Variants in RAPGEF4 observed in about 807,000 individuals in gnomAD.
RAPGEF4 encodes RAP guanine-nucleotide-exchange factor (GEF) 4.
A neutral mutation model predicts 147.9 loss-of-function variants in RAPGEF4; 66 were observed. That is an observed-to-expected ratio of 0.45 (90% CI 0.37 to 0.55). The LOEUF is 0.55. Among genes scored for constraint, RAPGEF4 ranks in the 20% least tolerant of loss-of-function variants. The pLI is 0.00. For missense variants in RAPGEF4, 1,071 were observed against 1,257.3 expected, an observed-to-expected ratio of 0.85 and a Z score of 2.24; for synonymous variants, 419 against 442.7, an observed-to-expected ratio of 0.95 and a Z score of 0.67.
intron 4 of RAPGEF4, among the ~76,000 whole-genome samples, chr2:172,833,205 G>GA (rs11432810): frequency 0.97 from 127,875 of 131,168 alleles, 62,337 homozygotes; most frequent in East Asian, 1. Context: ...CTCCGTCTCA[G>GA]AAAAAAAAAA....
intron 1 of RAPGEF4, among the ~76,000 whole-genome samples, chr2:172,772,493 G>A (rs1683724135): frequency 6.6e-6 from 1 of 151,984 alleles, no homozygotes; most frequent in East Asian, 2.0e-4. Context: ...ACAGGCGCCT[G>A]CCACCAGGCC....
At chr2:172,782,935 G>A (rs1684816398) in intron 1 of RAPGEF4, among the ~76,000 whole-genome samples, 1 of 152,178 alleles carries the variant, frequency 6.6e-6, no homozygotes, top group Admixed American at 6.5e-5. Context: ...ATCCTCTACT[G>A]AGGTTAGATG....
intron 1 of RAPGEF4, among the ~76,000 whole-genome samples, chr2:172,787,983 G>A (rs144476406): frequency 2.4e-4 from 36 of 152,232 alleles, no homozygotes; most frequent in African/African-American, 7.7e-4. Flanking sequence ...AGTTCTAGAG[G>A]CTAGGAAGTC....
intron 4 of RAPGEF4, among the ~76,000 whole-genome samples, chr2:172,850,539 A>G (rs1575035523): frequency 6.6e-6 from 1 of 151,730 alleles, no homozygotes; most frequent in Admixed American, 6.6e-5. Flanking sequence ...AATGGCATGA[A>G]CCCGGGAGGC....
chr2:172,959,033 T>C (rs913548527), intron 6 of RAPGEF4, among the ~76,000 whole-genome samples: 11 of 152,330 alleles, frequency 7.2e-5, no homozygotes, highest in African/African-American at 2.4e-4. Flanking sequence ...TTATTTTCAC[T>C]GTAATGGCTT....
chr2:173,006,629 C>T (rs992654399), intron 17 of RAPGEF4, among the ~76,000 whole-genome samples: 7 of 152,142 alleles, frequency 4.6e-5, no homozygotes, highest in Admixed American at 3.9e-4. Flanking sequence ...ATTAGGGTCC[C>T]TGTCATAAAA....
At chr2:172,749,041 C>A (rs1377518869) in intron 1 of RAPGEF4, among the ~76,000 whole-genome samples, 1 of 152,326 alleles carries the variant, frequency 6.6e-6, no homozygotes, top group South Asian at 2.1e-4. Context: ...GGCAGCCTGG[C>A]CCCTGTGGCT....
At chr2:172,737,402 G>A (rs6433377) in intron 1 of RAPGEF4, among the ~76,000 whole-genome samples, 38,182 of 152,028 alleles carry the variant, frequency 0.25, 5,070 homozygotes, top group South Asian at 0.29. Context: ...ATGGGATTCA[G>A]GATCTTGCAC....
chr2:172,975,000 T>C (rs1206063249), intron 10 of RAPGEF4, among the ~76,000 whole-genome samples: 1 of 152,184 alleles, frequency 6.6e-6, no homozygotes, highest in Non-Finnish European at 1.5e-5. Context: ...TGCACAGAAA[T>C]GAAGTGCTTT....
At chr2:172,814,180 G>T (rs1489704481) in intron 3 of RAPGEF4, 99 bp from the exon 4 acceptor site, 21 of 1,177,104 alleles carry the variant, frequency 1.8e-5, no homozygotes, top group Non-Finnish European at 1.9e-5. Context: ...ATTAAATTGG[G>T]TGTTTTGCCT....
intron 17 of RAPGEF4, among the ~76,000 whole-genome samples, chr2:173,009,796 CCTCT>C (rs1469390741): frequency 6.6e-6 from 1 of 152,136 alleles, no homozygotes; most frequent in African/African-American, 2.4e-5. Flanking sequence ...GATTTCTGTG[CCTCT>C]CTATCAGATT....
At chr2:172,785,416 G>A (rs1260936671) in intron 1 of RAPGEF4, among the ~76,000 whole-genome samples, 1 of 152,054 alleles carries the variant, frequency 6.6e-6, no homozygotes, top group Non-Finnish European at 1.5e-5. Context: ...TGATGATGAC[G>A]ACGGTGGTAC....
chr2:173,025,447 A>T (rs1314998809), intron 23 of RAPGEF4, among the ~76,000 whole-genome samples: 3 of 151,950 alleles, frequency 2.0e-5, no homozygotes, highest in African/African-American at 7.3e-5. Context: ...TTTTTATTTT[A>T]TTTTATTTTT....
chr2:172,750,449 A>G (rs1695177009), intron 1 of RAPGEF4, among the ~76,000 whole-genome samples: 1 of 152,026 alleles, frequency 6.6e-6, no homozygotes, highest in Non-Finnish European at 1.5e-5. Flanking sequence ...TGTGAGACTT[A>G]TCCACTACCA....
intron 4 of RAPGEF4, among the ~76,000 whole-genome samples, chr2:172,908,447 C>T (rs1575201176): frequency 6.6e-6 from 1 of 152,150 alleles, no homozygotes; most frequent in Non-Finnish European, 1.5e-5. Context: ...CAAACCTTTC[C>T]GTTAAGGTGA....
intron 4 of RAPGEF4, among the ~76,000 whole-genome samples, chr2:172,877,201 C>G (rs964305174): frequency 6.6e-6 from 1 of 152,146 alleles, no homozygotes; most frequent in African/African-American, 2.4e-5. Flanking sequence ...AGGATGAGTT[C>G]ATGTCCTTTG....
chr2:172,822,075 T>G, intron 4 of RAPGEF4: 7 of 1,413,370 alleles, frequency 5.0e-6, no homozygotes, highest in African/African-American at 1.4e-5. Context: ...AAAACATCTC[T>G]GGCTTTTCTA....
rs1686283610 is a variant in RAPGEF4, at chr2:173,051,859, G to T, written c.*92G>T. 1.1e-5 allele frequency: 16 copies of T among 1,471,564 alleles called. 1 individual carries two copies. Among genetic ancestry groups the T allele is most frequent in the Middle Eastern group, 1.8e-4 (1 of 5,572 alleles). The allele number at this position is 1,471,564 out of a possible 1,614,324, so 91.2% of individuals were successfully genotyped here. A position where few individuals can be genotyped will look rare whatever the true frequency, so the allele number is the denominator to read the frequency against. ...TACTACTGACTGTATTGCCACTAGA[G>T]AATTCTACAAAACAAGCAAAAACAC... On this transcript the variant is annotated 3_prime_UTR_variant, in exon 31 of 31. Coordinates refer to ENST00000397081, the MANE Select transcript of RAPGEF4 (RefSeq NM_007023.4).
chr2:172,953,037 C>T (rs1688366126), intron 6 of RAPGEF4, among the ~76,000 whole-genome samples: 1 of 152,086 alleles, frequency 6.6e-6, no homozygotes, highest in Admixed American at 6.5e-5. Flanking sequence ...GAAGCGCTTC[C>T]TTCGTCCGGT....
Sources: gnomAD v4.1 joint callset for allele counts (sites outside exome capture counted in the v4.1 genomes callset) on GRCh38, gnomAD v4.1.1 for gene constraint, MANE v1.5 for transcripts, NCBI Gene and HGNC (gene_info 2026-07-23, HGNC 2026-07-21) for gene names.